CECR2: variants seen among roughly 807,000 people sequenced by gnomAD.
CECR2 encodes the protein CECR2 histone acetyl-lysine reader.
A neutral mutation model predicts 154.5 loss-of-function variants in CECR2; 30 were observed. The observed-to-expected ratio is 0.19, with a 90% CI of 0.15 to 0.26. CECR2 has a LOEUF of 0.26. CECR2 is among the 10% of genes least tolerant of loss of function. The pLI, the probability that CECR2 is intolerant of heterozygous loss-of-function variation, is 1.00. For missense variants in CECR2, 1,743 were observed against 1,829.3 expected (o/e 0.95, Z 0.86); for synonymous variants, 725 against 683.7 (o/e 1.06, Z -0.94).
intron 1 of CECR2, among the ~76,000 whole-genome samples, chr22:17,399,217 G>A (rs146942738): frequency 1.3e-5 from 2 of 152,212 alleles, no homozygotes; most frequent in African/African-American, 4.8e-5. Context: ...GCCCATCCTG[G>A]CTTTAGCTCC....
chr22:17,395,873 G>T (rs2053801496), intron 1 of CECR2, among the ~76,000 whole-genome samples: 1 of 151,802 alleles, frequency 6.6e-6, no homozygotes, highest in South Asian at 2.1e-4. Flanking sequence ...TAATTTATTT[G>T]CATTAATAAA....
In CECR2 at chr22:17,382,774, G is replaced by A. The variant is rs559569876; in HGVS notation, c.126+12865G>A. Among the ~76,000 whole-genome samples the A allele has an allele frequency of 5.9e-5, 9 of 152,138 alleles. No individual in the cohort carries two copies. In the South Asian group the frequency reaches 1.7e-3, roughly 28 times the overall value. ...ACAAAAATCAGTTGGGTGTGGTGGT[G>A]TGCACCTGTTGTCCCAGCTATATGG... On this transcript the variant is annotated intron_variant, in intron 1 of 18. Transcript: ENST00000262608.
intron 1 of CECR2, among the ~76,000 whole-genome samples, chr22:17,387,685 CTGT>C (rs939701800): frequency 2.0e-5 from 3 of 152,152 alleles, no homozygotes; most frequent in Non-Finnish European, 2.9e-5. Flanking sequence ...CTTCTGAATC[CTGT>C]TCTATTCTGT....
chr22:17,470,970 T>TG (rs1342135694), intron 1 of CECR2, among the ~76,000 whole-genome samples: 1 of 152,202 alleles, frequency 6.6e-6, no homozygotes, highest in African/African-American at 2.4e-5. Flanking sequence ...AGCAAGAGAA[T>TG]GATGACTCCA....
intron 1 of CECR2, among the ~76,000 whole-genome samples, chr22:17,391,787 A>C (rs2063328755): frequency 6.6e-6 from 1 of 152,232 alleles, no homozygotes; most frequent in African/African-American, 2.4e-5. Flanking sequence ...ATGTGGATTA[A>C]AGTGATTGTT....
intron 1 of CECR2, among the ~76,000 whole-genome samples, chr22:17,403,198 T>C (rs1302115449): frequency 1.3e-5 from 2 of 152,244 alleles, no homozygotes; most frequent in Non-Finnish European, 2.9e-5. Context: ...CTGCTCAAAT[T>C]ATTTCAAGCT....
intron 1 of CECR2, among the ~76,000 whole-genome samples, chr22:17,401,340 G>A (rs2053887993): frequency 6.6e-6 from 1 of 152,210 alleles, no homozygotes; most frequent in African/African-American, 2.4e-5. Context: ...AAATATTTAT[G>A]TGTACAATTT....
chr22:17,500,097 G>T (rs1036024730), intron 4 of CECR2, among the ~76,000 whole-genome samples: 5 of 151,742 alleles, frequency 3.3e-5, no homozygotes, highest in African/African-American at 1.2e-4. Context: ...TGTAGTCCCA[G>T]CTACTCGGGA....
At position 17,456,576 on chromosome 22, in the gene CECR2, A is replaced by G. The variant is rs117330544; in HGVS notation, c.127-21012A>G. On this transcript the variant is annotated intron_variant, in intron 1 of 18. Coordinates refer to ENST00000262608, the MANE Select transcript of CECR2 (RefSeq NM_001290047.2). The stretch of plus-strand genomic sequence containing the variant: ...CTGTAATTTTTTTATGGTTTCAGAA[A>G]ATATGGTAGATATTGTACATCACAA... Among the ~76,000 whole-genome samples, 580 of 152,318 alleles carry G rather than the reference A, an allele frequency of 3.8e-3. 4 individuals carry two copies. Among genetic ancestry groups the G allele is most frequent in the Non-Finnish European group, 6.7e-3 (458 of 68,016 alleles).
intron 12 of CECR2, 123 bp downstream of exon 12, chr22:17,538,854 C>G: frequency 7.6e-7 from 1 of 1,309,696 alleles, no homozygotes; most frequent in South Asian, 1.4e-5. Context: ...GTCAAAAGTT[C>G]ATGTGATGTT....
Position 17,549,234 on chromosome 22 carries a change from A to G in CECR2, c.3947A>G (p.Glu1316Gly), listed in dbSNP as rs1238510110. The G allele has an allele frequency of 6.2e-7, 1 of 1,614,006 alleles. No homozygotes were observed. Among genetic ancestry groups the G allele is most frequent in the Admixed American group, 1.7e-5 (1 of 60,020 alleles). ...CGGCAGAGCTCGTTGTCAGCCAGCG[A>G]GTATCTCTATGGAACTCCTCCGCCT... ...TKRQSSLSAS[E>G]YLYGTPPPLS... is the part of the protein sequence containing the mutation. The change falls in exon 17 of 19, where the codon GAG (glutamate) becomes GGG (glycine). Residue 1316 changes from glutamate to glycine, a missense_variant. Physicochemically the swap from Glu to Gly is moderately conservative, Grantham distance 98. Coordinates refer to ENST00000262608, the MANE Select transcript of CECR2 (RefSeq NM_001290047.2).
chr22:17,412,771 G>A (rs1476374624), intron 1 of CECR2, among the ~76,000 whole-genome samples: 1 of 152,084 alleles, frequency 6.6e-6, no homozygotes, highest in Non-Finnish European at 1.5e-5. Flanking sequence ...ACAGGTGGCG[G>A]GCGGCCTTCT....
intron 15 of CECR2, 86 bp from the exon 16 acceptor site, chr22:17,542,071 A>AAAG (rs2056532709): frequency 3.2e-6 from 5 of 1,565,294 alleles, no homozygotes; most frequent in Middle Eastern, 1.8e-4. Flanking sequence ...GTCCTTTCCC[A>AAAG]AAGAGTCTGT....
intron 2 of CECR2, among the ~76,000 whole-genome samples, chr22:17,481,066 G>A (rs564083559): frequency 8.1e-5 from 9 of 111,196 alleles, no homozygotes; most frequent in African/African-American, 1.5e-4. Flanking sequence ...AAAAAAGGCC[G>A]GGCACGGTGC....
intron 1 of CECR2, among the ~76,000 whole-genome samples, chr22:17,407,467 C>A (rs1435414652): frequency 1.3e-5 from 2 of 152,000 alleles, no homozygotes; most frequent in Non-Finnish European, 2.9e-5. Context: ...CGGTGGCGGG[C>A]GCGTGTAATC....
At chr22:17,501,248 A>G (rs1009697441) in intron 5 of CECR2, among the ~76,000 whole-genome samples, 2 of 152,140 alleles carry the variant, frequency 1.3e-5, no homozygotes, top group Non-Finnish European at 2.9e-5. Context: ...TTCCCTTCCT[A>G]CTTAATCTAA....
At chr22:17,537,001 G>C in intron 9 of CECR2, 102 bp from the exon 10 acceptor site, 1 of 1,418,708 alleles carries the variant, frequency 7.0e-7, no homozygotes. Flanking sequence ...TCATAATCCT[G>C]CTTTGGTGGC....
chr22:17,364,485 T>C (rs2062991744), upstream of CECR2, among the ~76,000 whole-genome samples: 2 of 152,132 alleles, frequency 1.3e-5, no homozygotes, highest in East Asian at 1.9e-4. Flanking sequence ...CCAGGTCAGG[T>C]TGGCAAACAA....
chr22:17,426,633 A>G (rs1012612198), intron 1 of CECR2, among the ~76,000 whole-genome samples: 6 of 152,256 alleles, frequency 3.9e-5, no homozygotes, highest in Non-Finnish European at 8.8e-5. Flanking sequence ...TTGGGATTAC[A>G]GGCGTGAGCC....
Sources: gnomAD v4.1 joint callset for allele counts (sites outside exome capture counted in the v4.1 genomes callset) on GRCh38, gnomAD v4.1.1 for gene constraint, MANE v1.5 for transcripts, NCBI Gene and HGNC (gene_info 2026-07-23, HGNC 2026-07-21) for gene names.